ADAMTS17: variants seen among roughly 807,000 people sequenced by gnomAD.
ADAMTS17 encodes the protein A disintegrin and metalloproteinase with thrombospondin motifs 17.
A neutral mutation model predicts 141.5 loss-of-function variants in ADAMTS17; 113 were observed. The ratio of observed to expected loss-of-function variants is 0.80; its 90% CI spans 0.69 to 0.93. The LOEUF is 0.93. ADAMTS17 is among the 40% of genes least tolerant of loss of function. The pLI is 0.00. For missense variants in ADAMTS17, 1,659 were observed against 1,517.9 expected, an observed-to-expected ratio of 1.09 and a Z score of -1.54; for synonymous variants, 768 against 630.6, an observed-to-expected ratio of 1.22 and a Z score of -3.27.
At chr15:100,230,296 C>T (rs147907602) in intron 7 of ADAMTS17, among the ~76,000 whole-genome samples, 3 of 152,332 alleles carry the variant, frequency 2.0e-5, no homozygotes, top group African/African-American at 7.2e-5. Flanking sequence ...TTCTACAGAG[C>T]GTCCAGTGGG....
At chr15:100,057,388 G>A (rs1041307475) in intron 15 of ADAMTS17, among the ~76,000 whole-genome samples, 3 of 152,106 alleles carry the variant, frequency 2.0e-5, no homozygotes, top group Non-Finnish European at 2.9e-5. Flanking sequence ...GGCCTGCTCC[G>A]TAGAACCCAT....
chr15:100,089,032 T>C (rs2035284546), intron 15 of ADAMTS17, among the ~76,000 whole-genome samples: 1 of 151,580 alleles, frequency 6.6e-6, no homozygotes, highest in Non-Finnish European at 1.5e-5. Context: ...CAAAAGAAAC[T>C]ACCATCAGAG....
chr15:100,262,483 A>T lies in ADAMTS17; in HGVS notation c.790-48T>A, dbSNP rs749580487. The T allele has an allele frequency of 2.7e-6, 4 of 1,471,492 alleles. No individual in the cohort carries two copies. In the African/African-American group the frequency reaches 5.7e-5, roughly 21 times the overall value. 91.2% of individuals were successfully genotyped at this position (1,471,492 alleles called of 1,614,324 possible). A position where few individuals can be genotyped will look rare whatever the true frequency, so the allele number is the denominator to read the frequency against. The stretch of plus-strand genomic sequence containing the variant: ...TAAAGATATAAAGATAAAAAATTTT[A>T]AAAATACAGTAGTATCCTAGATGGG... On this transcript the variant is annotated intron_variant, in intron 4 of 21. Transcript: ENST00000268070.
intron 18 of ADAMTS17, among the ~76,000 whole-genome samples, chr15:100,034,651 C>A (rs1383923136): frequency 6.6e-6 from 1 of 152,230 alleles, no homozygotes; most frequent in African/African-American, 2.4e-5. Context: ...CACTTGCAAA[C>A]TCTTTCCTTT....
intron 8 of ADAMTS17, among the ~76,000 whole-genome samples, chr15:100,159,846 T>A (rs2039607137): frequency 6.6e-6 from 1 of 152,218 alleles, no homozygotes; most frequent in Non-Finnish European, 1.5e-5. Flanking sequence ...CTTCATTGTA[T>A]CAACGATGTG....
chr15:100,040,762 T>C (rs2035341), intron 18 of ADAMTS17, among the ~76,000 whole-genome samples: 99,136 of 151,914 alleles, frequency 0.65, 33,951 homozygotes, highest in Non-Finnish European at 0.77. Flanking sequence ...GGTAAGGCTT[T>C]AAAACTTAAC....
intron 10 of ADAMTS17, among the ~76,000 whole-genome samples, chr15:100,144,122 A>T (rs1266495577): frequency 6.6e-6 from 1 of 152,248 alleles, no homozygotes; most frequent in African/African-American, 2.4e-5. Flanking sequence ...CTAAATTTGT[A>T]ATATAGTAAT....
chr15:100,203,635 G>A (rs1051188530), intron 7 of ADAMTS17, among the ~76,000 whole-genome samples: 7 of 152,318 alleles, frequency 4.6e-5, no homozygotes, highest in South Asian at 2.1e-4. Flanking sequence ...AACCTGGGAG[G>A]TGGAGCTTGC....
chr15:99,983,439 T>G (rs1486636462), intron 20 of ADAMTS17, among the ~76,000 whole-genome samples: 1 of 151,134 alleles, frequency 6.6e-6, no homozygotes, highest in Non-Finnish European at 1.5e-5. Context: ...AGGAACCAGG[T>G]CTCCATCACC....
At chr15:100,337,781 A>G (rs2046251482) in intron 2 of ADAMTS17, among the ~76,000 whole-genome samples, 1 of 152,158 alleles carries the variant, frequency 6.6e-6, no homozygotes, top group Non-Finnish European at 1.5e-5. Flanking sequence ...TCCTCCAGCC[A>G]CTCACTTCAG....
intron 3 of ADAMTS17, among the ~76,000 whole-genome samples, chr15:100,317,185 G>A (rs745385710): frequency 5.9e-5 from 9 of 152,144 alleles, no homozygotes; most frequent in Non-Finnish European, 1.2e-4. Context: ...CATAAAAATG[G>A]GATGGAGGGA....
rs1365654401 is a variant in ADAMTS17 at position 99,972,392 on chromosome 15, G to A, written c.*2010C>T. 6.6e-6 allele frequency: 1 copy of A among 152,204 alleles called. No individual in the cohort carries two copies. Among genetic ancestry groups the A allele is most frequent in the Non-Finnish European group, 1.5e-5 (1 of 68,050 alleles). The allele number at this position is 152,204 out of a possible 1,614,324, so 9.4% of individuals were successfully genotyped here. A position where few individuals can be genotyped will look rare whatever the true frequency, so the allele number is the denominator to read the frequency against. On this transcript the variant is annotated 3_prime_UTR_variant, in exon 22 of 22. Coordinates refer to ENST00000268070, the MANE Select transcript of ADAMTS17 (RefSeq NM_139057.4). Reference sequence around the variant, plus strand: ...GTGGGGCCCTTGCCAGGGTGACAGTGGGCATATCTGGAGGCCCCGGGGCCC... The same window carrying A: ...GTGGGGCCCTTGCCAGGGTGACAGTAGGCATATCTGGAGGCCCCGGGGCCC...
At chr15:100,038,793 G>C (rs1430569221) in intron 18 of ADAMTS17, among the ~76,000 whole-genome samples, 2 of 152,164 alleles carry the variant, frequency 1.3e-5, no homozygotes, top group Non-Finnish European at 2.9e-5. Flanking sequence ...ATTCAAACAT[G>C]GATGCATTTT....
intron 7 of ADAMTS17, among the ~76,000 whole-genome samples, chr15:100,215,358 G>A (rs1314280733): frequency 6.6e-6 from 1 of 152,180 alleles, no homozygotes; most frequent in Non-Finnish European, 1.5e-5. Context: ...AGATGGATTA[G>A]GGCCCGAATG....
At chr15:100,122,489 G>A (rs533582311) in intron 12 of ADAMTS17, among the ~76,000 whole-genome samples, 1 of 152,278 alleles carries the variant, frequency 6.6e-6, no homozygotes, top group African/African-American at 2.4e-5. Context: ...TAACATCAAT[G>A]CGGGCCTCCT....
At chr15:100,016,071 C>T (rs2061283280) in intron 18 of ADAMTS17, among the ~76,000 whole-genome samples, 1 of 152,124 alleles carries the variant, frequency 6.6e-6, no homozygotes, top group Admixed American at 6.6e-5. Flanking sequence ...CTTTCTCATT[C>T]TTGTCTTTGT....
intron 7 of ADAMTS17, among the ~76,000 whole-genome samples, chr15:100,204,884 T>A (rs2041472178): frequency 6.6e-6 from 1 of 152,206 alleles, no homozygotes; most frequent in African/African-American, 2.4e-5. Context: ...TGGCACATTC[T>A]CTAAGGAAGC....
intron 9 of ADAMTS17, 98 bp from the exon 10 acceptor site, chr15:100,152,860 A>G (rs1448389930): frequency 2.7e-6 from 4 of 1,477,188 alleles, no homozygotes; most frequent in Non-Finnish European, 3.6e-6. Context: ...CACTGAGAAG[A>G]GGGCACCTCC....
intron 7 of ADAMTS17, among the ~76,000 whole-genome samples, chr15:100,249,513 G>C (rs561963866): frequency 3.3e-5 from 5 of 152,174 alleles, no homozygotes; most frequent in Non-Finnish European, 5.9e-5. Flanking sequence ...TGGGCTGTTG[G>C]GGGGAGATGG....
Sources: allele counts gnomAD v4.1 joint callset (sites outside exome capture counted in the v4.1 genomes callset), GRCh38; gene constraint gnomAD v4.1.1; transcripts MANE v1.5; gene names NCBI Gene and HGNC (gene_info 2026-07-23, HGNC 2026-07-21).